Variants in HMCN1 observed in about 807,000 individuals in gnomAD.
HMCN1 encodes the protein hemicentin-1.
In HMCN1, 321 loss-of-function variants were observed where a neutral mutation model predicts 625.9. That is an observed-to-expected ratio of 0.51 (90% confidence interval 0.47 to 0.56). The LOEUF (loss-of-function observed/expected upper bound fraction) is 0.56, where lower values mean the gene tolerates loss of function less well. Among genes scored for constraint, HMCN1 ranks in the 20% least tolerant of loss-of-function variants. The pLI is 0.00. For synonymous variants in HMCN1, 2,425 were observed against 2,417.6 expected (o/e 1.00, Z -0.09); for missense variants, 6,588 against 6,887.3 (o/e 0.96, Z 1.54).
intron 26 of HMCN1, among the ~76,000 whole-genome samples, 169 bp from the exon 27 acceptor site, chr1:186,001,129 T>C (rs1318257037): frequency 6.6e-6 from 1 of 152,138 alleles, no homozygotes; most frequent in Non-Finnish European, 1.5e-5. Context: ...TTATTATAAA[T>C]ACATTGGTCA....
intron 25 of HMCN1, 137 bp downstream of exon 25, chr1:185,997,661 C>A: frequency 1.4e-6 from 1 of 691,422 alleles, no homozygotes; most frequent in Non-Finnish European, 2.6e-6. Context: ...GAAACTAACC[C>A]ATTTTTCAGA....
At chr1:186,147,221 C>T (rs1650369385) in intron 93 of HMCN1, among the ~76,000 whole-genome samples, 1 of 152,170 alleles carries the variant, frequency 6.6e-6, no homozygotes, top group Admixed American at 6.5e-5. Flanking sequence ...TTCTGCCCTC[C>T]CTGGCTTAGT....
At chr1:185,786,142 G>C (rs1657552765) in intron 1 of HMCN1, among the ~76,000 whole-genome samples, 1 of 152,178 alleles carries the variant, frequency 6.6e-6, no homozygotes, top group Non-Finnish European at 1.5e-5. Flanking sequence ...AATGCATTGT[G>C]ATTTTATAAC....
chr1:185,747,683 A>G (rs1451244117), intron 1 of HMCN1, among the ~76,000 whole-genome samples: 1 of 152,206 alleles, frequency 6.6e-6, no homozygotes, highest in Non-Finnish European at 1.5e-5. Context: ...ATGTCCAGAT[A>G]TTTAATTTTG....
chr1:185,858,277 T>C lies in HMCN1; in HGVS notation c.340-6193T>C, dbSNP rs192497636. Among the ~76,000 whole-genome samples the C allele has an allele frequency of 7.4e-3, 1,121 of 152,318 alleles. 9 individuals carry two copies. The highest frequency in any genetic ancestry group is 9.8e-3 in the Non-Finnish European group (670 of 68,044). On this transcript the variant is annotated intron_variant, in intron 2 of 106. Transcript: ENST00000271588. ...GTCTTATTACCGAGAAAAGTACTGA[T>C]TAAATCAAGAAGACCTTCTATAGAT... is the stretch of plus-strand genomic sequence containing the variant.
chr1:185,953,000 G>A (rs1442574497), intron 11 of HMCN1, among the ~76,000 whole-genome samples: 2 of 150,344 alleles, frequency 1.3e-5, no homozygotes, highest in Non-Finnish European at 2.9e-5. Flanking sequence ...AGGTCAGGGT[G>A]TGGAAATAAG....
At chr1:186,079,976 G>C (rs1327046923) in intron 55 of HMCN1, among the ~76,000 whole-genome samples, 1 of 152,146 alleles carries the variant, frequency 6.6e-6, no homozygotes, top group African/African-American at 2.4e-5. Context: ...AAAGAGCTGA[G>C]GTGGGGGCCT....
chr1:185,803,089 T>TGCACAAATCTATGCA (rs1356330625), intron 1 of HMCN1, among the ~76,000 whole-genome samples: 3 of 149,954 alleles, frequency 2.0e-5, no homozygotes, highest in Non-Finnish European at 1.5e-5. Context: ...TAGAGGATTG[T>TGCACAAATCTATGCA]CAGAATTCTC....
At chr1:185,800,567 C>G (rs1319973282) in intron 1 of HMCN1, among the ~76,000 whole-genome samples, 1 of 151,766 alleles carries the variant, frequency 6.6e-6, no homozygotes, top group Non-Finnish European at 1.5e-5. Flanking sequence ...GTGATAAGCA[C>G]CTAATACATA....
chr1:185,855,495 C>G (rs1041176514), intron 2 of HMCN1, among the ~76,000 whole-genome samples: 1 of 152,146 alleles, frequency 6.6e-6, no homozygotes, highest in African/African-American at 2.4e-5. Context: ...CATTATAACT[C>G]ATGTGAATTA....
At chr1:185,858,690 A>C (rs963491156) in intron 2 of HMCN1, among the ~76,000 whole-genome samples, 2 of 133,458 alleles carry the variant, frequency 1.5e-5, no homozygotes, top group Admixed American at 8.9e-5. Flanking sequence ...GGCATAAGAG[A>C]TCTGCCCTCT....
chr1:185,879,186 C>CTT (rs1664137945), intron 4 of HMCN1, among the ~76,000 whole-genome samples: 1 of 152,034 alleles, frequency 6.6e-6, no homozygotes. Context: ...TTTTGTTTTG[C>CTT]TTGAGACAGG....
At chr1:185,827,668 A>G (rs903904221) in intron 1 of HMCN1, among the ~76,000 whole-genome samples, 6 of 152,184 alleles carry the variant, frequency 3.9e-5, no homozygotes, top group Non-Finnish European at 7.4e-5. Context: ...TGGAGTCACG[A>G]ATAAAAATGA....
intron 30 of HMCN1, among the ~76,000 whole-genome samples, chr1:186,014,693 C>T (rs1654240459): frequency 6.6e-6 from 1 of 151,912 alleles, no homozygotes; most frequent in East Asian, 1.9e-4. Flanking sequence ...AAAAAAATAG[C>T]AAGAAGCAAA....
chr1:185,795,562 T>A (rs1658315683), intron 1 of HMCN1, among the ~76,000 whole-genome samples: 1 of 152,190 alleles, frequency 6.6e-6, no homozygotes, highest in African/African-American at 2.4e-5. Context: ...CTCATAGGAA[T>A]GTCCTGAGTG....
intron 97 of HMCN1, among the ~76,000 whole-genome samples, chr1:186,158,434 G>C (rs1651185590): frequency 6.6e-6 from 1 of 152,108 alleles, no homozygotes; most frequent in African/African-American, 2.4e-5. Context: ...AAGCTCTTTA[G>C]CTTAATTAGA....
chr1:185,920,843 C>A (rs1268450842), intron 6 of HMCN1, among the ~76,000 whole-genome samples: 1 of 152,000 alleles, frequency 6.6e-6, no homozygotes, highest in Non-Finnish European at 1.5e-5. Flanking sequence ...TCATAAGGGA[C>A]TTTCTGAGGA....
At chr1:185,771,926 C>A (rs1174847678) in intron 1 of HMCN1, among the ~76,000 whole-genome samples, 4 of 152,080 alleles carry the variant, frequency 2.6e-5, no homozygotes, top group Non-Finnish European at 5.9e-5. Context: ...ACAGCTGTTA[C>A]AGTAATTAAT....
At chr1:185,770,011 C>T in intron 1 of HMCN1, among the ~76,000 whole-genome samples, 1 of 152,148 alleles carries the variant, frequency 6.6e-6, no homozygotes, top group East Asian at 1.9e-4. Flanking sequence ...GGAGGGGAGA[C>T]TTTGCCTCTT....
Sources: gnomAD v4.1 joint callset for allele counts (sites outside exome capture counted in the v4.1 genomes callset) on GRCh38, gnomAD v4.1.1 for gene constraint, MANE v1.5 for transcripts, NCBI Gene and HGNC (gene_info 2026-07-23, HGNC 2026-07-21) for gene names.